Variants in APBA2 observed in about 807,000 individuals in gnomAD.
APBA2 encodes the protein amyloid beta precursor protein binding family A member 2.
A neutral mutation model predicts 75.0 loss-of-function variants in APBA2; 30 were observed. That is an observed-to-expected ratio of 0.40 (90% CI 0.30 to 0.54). The LOEUF is 0.54. Among genes scored for constraint, APBA2 ranks in the 20% least tolerant of loss-of-function variants. The pLI is 0.49. For missense variants in APBA2, 801 were observed against 1,016.1 expected (o/e 0.79, Z 2.88); for synonymous variants, 444 against 409.6 (o/e 1.08, Z -1.01).
intron 2 of APBA2, among the ~76,000 whole-genome samples, chr15:28,951,582 TTTTTTTA>T (rs996742989): frequency 2.1e-4 from 32 of 151,900 alleles, no homozygotes; most frequent in African/African-American, 7.0e-4. Context: ...TCCCATAGTT[TTTTTTTA>T]TTTTTTTATT....
chr15:28,956,311 C>T (rs1238394474), intron 2 of APBA2, among the ~76,000 whole-genome samples: 3 of 151,818 alleles, frequency 2.0e-5, no homozygotes, highest in Non-Finnish European at 4.4e-5. Context: ...CATGGGTGGG[C>T]TGGATTGAGA....
intron 3 of APBA2, among the ~76,000 whole-genome samples, chr15:29,000,272 CAG>C (rs775430346): frequency 1.3e-5 from 2 of 152,162 alleles, no homozygotes; most frequent in Non-Finnish European, 2.9e-5. Context: ...CAGAAGATAT[CAG>C]AGTTTGTTCT....
chr15:28,896,961 G>A (rs893094424), intron 1 of APBA2, among the ~76,000 whole-genome samples: 1 of 152,098 alleles, frequency 6.6e-6, no homozygotes, highest in African/African-American at 2.4e-5. Flanking sequence ...GCTGGCATAG[G>A]CTTAGGGTCC....
intron 1 of APBA2, among the ~76,000 whole-genome samples, chr15:28,887,530 C>T (rs144646725): frequency 2.6e-5 from 4 of 152,244 alleles, no homozygotes; most frequent in African/African-American, 4.8e-5. Flanking sequence ...GTCGCCACTA[C>T]GCAGGGGACA....
rs1303406670 is a variant in APBA2 at position 28,991,572 on chromosome 15, C to T, written c.-94-4181C>T. Among the ~76,000 whole-genome samples, 2 of 152,198 alleles carry T rather than the reference C, an allele frequency of 1.3e-5. No homozygotes were observed. Among genetic ancestry groups the T allele is most frequent in the Non-Finnish European group, 2.9e-5 (2 of 68,030 alleles). On this transcript the variant is annotated intron_variant, in intron 2 of 14. Coordinates refer to ENST00000683413, the MANE Select transcript of APBA2 (RefSeq NM_001353788.2). The surrounding 1 kb of genome is among the most constrained non-coding windows in gnomAD (Gnocchi z 4.7). ...TGTGAGTGTGAACCCCCATTACAAG[C>T]TTTCCCTCATGAGATGGCGCTGATC...
At chr15:28,939,176 C>T (rs978346638) in intron 2 of APBA2, among the ~76,000 whole-genome samples, 16 of 152,212 alleles carry the variant, frequency 1.1e-4, no homozygotes, top group African/African-American at 3.6e-4. Context: ...CACGTTGTGG[C>T]ATGCGTCAGA....
At chr15:28,980,380 A>T (rs1183355858) in intron 2 of APBA2, among the ~76,000 whole-genome samples, 5 of 152,232 alleles carry the variant, frequency 3.3e-5, no homozygotes, top group African/African-American at 1.2e-4. Flanking sequence ...CAACTTCAAT[A>T]AAGTTTCAAG....
chr15:29,031,624 T>C (rs1379114553), intron 3 of APBA2, among the ~76,000 whole-genome samples: 2 of 152,172 alleles, frequency 1.3e-5, no homozygotes, highest in South Asian at 4.1e-4. Context: ...CTCCCTGCCA[T>C]TGGCTACTTT....
chr15:28,996,005 A>T (rs999591767), intron 3 of APBA2, among the ~76,000 whole-genome samples, 199 bp downstream of exon 3: 4 of 152,106 alleles, frequency 2.6e-5, no homozygotes, highest in African/African-American at 7.2e-5. Flanking sequence ...GAGTGGATGG[A>T]CACTGGGGAC....
intron 6 of APBA2, among the ~76,000 whole-genome samples, chr15:29,089,197 T>C (rs1023246869): frequency 2.6e-5 from 4 of 152,222 alleles, no homozygotes; most frequent in Non-Finnish European, 5.9e-5. Flanking sequence ...CACCGGTCTT[T>C]ATACAGTGGG....
In APBA2 at chr15:28,923,588, AG is replaced by A. The variant is rs1171981747; in HGVS notation, c.-95+1843del. ...TCTGGGGGAGGTGTGGGGTGGGGGG[AG>A]GGGCCTCAGCGCTCAGCAGACAGGT... On this transcript the variant is annotated intron_variant, in intron 2 of 14. Coordinates refer to ENST00000683413, the MANE Select transcript of APBA2 (RefSeq NM_001353788.2). Among the ~76,000 whole-genome samples, 14 of 43,206 alleles carry A rather than the reference AG, an allele frequency of 3.2e-4. No homozygotes were observed. In the East Asian group the frequency reaches 8.1e-3, roughly 25 times the overall value. The allele number at this position is 43,206 out of a possible 152,430, so 28.3% of individuals were successfully genotyped here.
chr15:29,113,880 G>GC lies in APBA2; in HGVS notation c.2043dup (p.Ser682GlnfsTer9). ...GACCTGGCCATGTCTGCTTAGATCT[G>GC]CAGCCTCATGAGAGGGGGCATTGCT... On this transcript the variant is annotated frameshift_variant, in exon 14 of 15. Coordinates refer to ENST00000683413, the MANE Select transcript of APBA2 (RefSeq NM_001353788.2). LOFTEE classifies it high-confidence loss of function. 1 of 1,611,298 alleles carries GC rather than the reference G, an allele frequency of 6.2e-7. No homozygotes were observed. Among genetic ancestry groups the GC allele is most frequent in the Non-Finnish European group, 8.5e-7 (1 of 1,179,972 alleles).
intron 3 of APBA2, among the ~76,000 whole-genome samples, chr15:29,005,422 A>G (rs759764665): frequency 7.9e-5 from 12 of 152,020 alleles, no homozygotes; most frequent in Non-Finnish European, 1.5e-4. Context: ...CACCACACCC[A>G]GCTAATTTTT....
At position 29,054,382 on chromosome 15, in the gene APBA2, C is replaced by T. The variant is rs2041775042; in HGVS notation, c.498C>T (p.Pro166=). Residue 166 remains proline (P), a synonymous_variant, in exon 4 of 15, where the codon CCC becomes CCT. Coordinates refer to ENST00000683413, the MANE Select transcript of APBA2 (RefSeq NM_001353788.2). The surrounding 1 kb of genome is among the most constrained non-coding windows in gnomAD (Gnocchi z 6.1). ...AGGACTACCCAGACGGCCAACTGCC[C>T]ATTCCGGAGGATGAGCCCTCCGTCC... is the stretch of plus-strand genomic sequence containing the variant. ...GSQDYPDGQL[P]IPEDEPSVLE... is the part of the protein sequence containing the mutation. 1 of 1,614,024 alleles carries T rather than the reference C, an allele frequency of 6.2e-7. No homozygotes were observed. Among genetic ancestry groups the T allele is most frequent in the Non-Finnish European group, 8.5e-7 (1 of 1,180,046 alleles).
chr15:28,927,227 A>G (rs1377153858), intron 2 of APBA2, among the ~76,000 whole-genome samples: 2 of 151,784 alleles, frequency 1.3e-5, no homozygotes, highest in East Asian at 1.9e-4. Flanking sequence ...TTACCCCTCT[A>G]TAGATAAGGT....
intron 13 of APBA2, among the ~76,000 whole-genome samples, chr15:29,110,890 A>G (rs73370296): frequency 0.063 from 9,658 of 152,210 alleles, 1,036 homozygotes; most frequent in African/African-American, 0.22. Flanking sequence ...GGAGGGCAGC[A>G]GACGGGGACC....
In APBA2 at chr15:28,991,130, A is replaced by T. The variant is rs1303132089; in HGVS notation, c.-94-4623A>T. On this transcript the variant is annotated intron_variant, in intron 2 of 14. Coordinates refer to ENST00000683413, the MANE Select transcript of APBA2 (RefSeq NM_001353788.2). This position sits in a 1 kb window ranked among gnomAD's most constrained non-coding sequence, Gnocchi z 4.7. ...GGACTCAGTTATTCAGAATTTAAACATTTTACTTGTAAAGAGCACTTTGGT... is the reference window on the plus strand; with the variant it reads ...GGACTCAGTTATTCAGAATTTAAACTTTTTACTTGTAAAGAGCACTTTGGT... Among the ~76,000 whole-genome samples, 5 of 152,118 alleles carry T rather than the reference A, an allele frequency of 3.3e-5. No homozygotes were observed. The highest frequency in any genetic ancestry group is 5.9e-5 in the Non-Finnish European group (4 of 68,008).
intron 4 of APBA2, among the ~76,000 whole-genome samples, chr15:29,058,425 C>T (rs576196353): frequency 2.6e-5 from 4 of 152,112 alleles, no homozygotes; most frequent in East Asian, 1.9e-4. Context: ...GCAGGAGAAT[C>T]GCTTGAGCCT....
At chr15:28,894,855 G>A (rs1200854917) in intron 1 of APBA2, among the ~76,000 whole-genome samples, 1 of 151,602 alleles carries the variant, frequency 6.6e-6, no homozygotes, top group African/African-American at 2.4e-5. Flanking sequence ...GCGGGGAGGT[G>A]CTGGTGGAAG....
Sources: gnomAD v4.1 joint callset for allele counts (sites outside exome capture counted in the v4.1 genomes callset) on GRCh38, gnomAD v4.1.1 for gene constraint, Gnocchi (gnomAD v3.1) non-coding constraint, MANE v1.5 for transcripts, NCBI Gene and HGNC (gene_info 2026-07-23, HGNC 2026-07-21) for gene names.